The following C3orf70 variants were observed in gnomAD, a reference collection of about 807,000 sequenced individuals.
C3orf70 encodes the protein chromosome 3 open reading frame 70.
C3orf70 carries 15 observed loss-of-function variants against 20.7 expected under a neutral mutation model. The ratio of observed to expected loss-of-function variants is 0.72; its 90% CI spans 0.48 to 1.11. The LOEUF (loss-of-function observed/expected upper bound fraction) is 1.11, where lower values mean the gene tolerates loss of function less well. Among genes scored for constraint, C3orf70 ranks in the 50% most tolerant of loss-of-function variants. The probability of loss-of-function intolerance (pLI) is 0.00; values close to 1 mark genes in which losing one functional copy is unlikely to be tolerated. For synonymous variants in C3orf70, 161 were observed against 125.7 expected, an observed-to-expected ratio of 1.28 and a Z score of -1.88; for missense variants, 332 against 317.6, an observed-to-expected ratio of 1.05 and a Z score of -0.34.
chr3:185,149,119 A>G (rs1000614038), intron 1 of C3orf70, among the ~76,000 whole-genome samples: 1 of 152,216 alleles, frequency 6.6e-6, no homozygotes, highest in Non-Finnish European at 1.5e-5. Flanking sequence ...TGGGCTGGGC[A>G]TGGTGGCTCA....
chr3:185,106,841 A>C (rs1715953781), intron 1 of C3orf70, among the ~76,000 whole-genome samples: 1 of 152,246 alleles, frequency 6.6e-6, no homozygotes, highest in Non-Finnish European at 1.5e-5. Context: ...GTTTAAATTT[A>C]AAAGGAGTGC....
chr3:185,090,556 T>A (rs898049297), intron 1 of C3orf70, among the ~76,000 whole-genome samples: 1 of 152,122 alleles, frequency 6.6e-6, no homozygotes, highest in African/African-American at 2.4e-5. Context: ...TGAAAAAAAA[T>A]GAGTGGCCTG....
At chr3:185,091,953 AT>A (rs1715595657) in intron 1 of C3orf70, among the ~76,000 whole-genome samples, 1 of 11,224 alleles carries the variant, frequency 8.9e-5, no homozygotes, top group South Asian at 3.4e-3. Flanking sequence ...ATATATATAT[AT>A]ATATATATAT....
intron 1 of C3orf70, among the ~76,000 whole-genome samples, chr3:185,111,669 G>A (rs575927685): frequency 3.9e-5 from 6 of 152,248 alleles, no homozygotes; most frequent in African/African-American, 1.4e-4. Flanking sequence ...AAACAATTTG[G>A]AAGAGTTGAT....
At chr3:185,138,451 A>T (rs1451753141) in intron 1 of C3orf70, among the ~76,000 whole-genome samples, 2 of 151,928 alleles carry the variant, frequency 1.3e-5, no homozygotes, top group African/African-American at 4.8e-5. Flanking sequence ...GTAATAATAA[A>T]AAAAAAAACT....
intron 1 of C3orf70, among the ~76,000 whole-genome samples, chr3:185,091,866 A>T (rs1338570903): frequency 1.7e-5 from 2 of 117,582 alleles, no homozygotes; most frequent in East Asian, 2.2e-4. Flanking sequence ...GTATTATATT[A>T]TATATATATA....
At chr3:185,137,720 TA>T (rs1716656519) in intron 1 of C3orf70, among the ~76,000 whole-genome samples, 2 of 152,096 alleles carry the variant, frequency 1.3e-5, no homozygotes, top group South Asian at 4.1e-4. Flanking sequence ...ATAAAACACA[TA>T]AAAATTTATG....
At chr3:185,119,715 T>C (rs1039938832) in intron 1 of C3orf70, among the ~76,000 whole-genome samples, 1 of 150,632 alleles carries the variant, frequency 6.6e-6, no homozygotes, top group Non-Finnish European at 1.5e-5. Flanking sequence ...TCTTAGGGAA[T>C]TTGGGGTGCT....
intron 1 of C3orf70, among the ~76,000 whole-genome samples, chr3:185,150,007 A>T (rs1267792844): frequency 2.0e-5 from 3 of 152,130 alleles, no homozygotes; most frequent in Non-Finnish European, 2.9e-5. Flanking sequence ...GATTAACCTA[A>T]TTTCTTGTTT....
At position 185,078,366 on chromosome 3, in the gene C3orf70, GA is replaced by G. The variant is rs536417757; in HGVS notation, c.*4640del. The G allele has an allele frequency of 3.8e-3, 573 of 152,370 alleles. 1 individual carries two copies. Among genetic ancestry groups the G allele is most frequent in the Non-Finnish European group, 5.7e-3 (389 of 68,008 alleles). 9.4% of individuals were successfully genotyped at this position (152,370 alleles called of 1,614,324 possible). A position where few individuals can be genotyped will look rare whatever the true frequency, so the allele number is the denominator to read the frequency against. ...AGAGAACACTGCTTCAACCTTAATC[GA>G]AAAAAGAAGTCATAGCACTAACTGA... On this transcript the variant is annotated 3_prime_UTR_variant, in exon 2 of 2. Coordinates refer to ENST00000335012, the MANE Select transcript of C3orf70 (RefSeq NM_001025266.3).
chr3:185,103,993 C>T (rs535073902), intron 1 of C3orf70, among the ~76,000 whole-genome samples: 2 of 152,286 alleles, frequency 1.3e-5, no homozygotes, highest in East Asian at 3.9e-4. Context: ...GAGACATACG[C>T]ACAACTACAC....
At chr3:185,127,719 C>T (rs1245532180) in intron 1 of C3orf70, among the ~76,000 whole-genome samples, 3 of 152,060 alleles carry the variant, frequency 2.0e-5, no homozygotes, top group South Asian at 2.1e-4. Context: ...GGATTACAGG[C>T]GTGAGCCACC....
chr3:185,100,939 A>C (rs1490416024), intron 1 of C3orf70, among the ~76,000 whole-genome samples: 1 of 152,166 alleles, frequency 6.6e-6, no homozygotes, highest in Non-Finnish European at 1.5e-5. Context: ...AAACCTGTAA[A>C]AAATGGATAA....
intron 1 of C3orf70, among the ~76,000 whole-genome samples, chr3:185,119,410 TG>T (rs1716246100): frequency 2.0e-5 from 3 of 152,076 alleles, no homozygotes; most frequent in African/African-American, 7.2e-5. Context: ...CCCGGCATTT[TG>T]GGAGGCTGAT....
intron 1 of C3orf70, among the ~76,000 whole-genome samples, chr3:185,147,083 G>A (rs1455015870): frequency 1.3e-5 from 2 of 152,154 alleles, no homozygotes; most frequent in African/African-American, 2.4e-5. Context: ...ACTCCCATTT[G>A]TCTCTATTTC....
At chr3:185,100,150 A>C (rs1357458255) in intron 1 of C3orf70, among the ~76,000 whole-genome samples, 1 of 152,166 alleles carries the variant, frequency 6.6e-6, no homozygotes, top group African/African-American at 2.4e-5. Flanking sequence ...CGAGGCAAAA[A>C]ATTAAAAAAG....
Position 185,077,379 on chromosome 3 carries a change from G to T in C3orf70, c.*5628C>A, listed in dbSNP as rs992269659. Among the ~76,000 whole-genome samples, 6 of 152,202 alleles carry T rather than the reference G, an allele frequency of 3.9e-5. No homozygotes were observed. Among genetic ancestry groups the T allele is most frequent in the African/African-American group, 1.4e-4 (6 of 41,448 alleles). On this transcript the variant is annotated 3_prime_UTR_variant, in exon 2 of 2. Coordinates refer to ENST00000335012, the MANE Select transcript of C3orf70 (RefSeq NM_001025266.3). ...TACGAGCTGTGCCACACTGGGTAAAGATGTGGACTTCTTGAGCTCTTTTCC... is the reference window on the plus strand; with the variant it reads ...TACGAGCTGTGCCACACTGGGTAAATATGTGGACTTCTTGAGCTCTTTTCC...
Position 185,083,271 on chromosome 3 carries a change from A to G in C3orf70, c.489T>C (p.Ser163=), listed in dbSNP as rs769437221. 2 of 1,614,232 alleles carry G rather than the reference A, an allele frequency of 1.2e-6. No homozygotes were observed. The highest frequency in any genetic ancestry group is 1.7e-6 in the Non-Finnish European group (2 of 1,180,040). The stretch of plus-strand genomic sequence containing the variant: ...CTTTTGAAATTAAGGCATCGTGTGC[A>G]GAGACCTCCTCAGGGCTCATTCTGT... The part of the protein sequence containing the change: ...HSHRMSPEEV[S]AHDALISKES... Residue 163 remains serine (S), a synonymous_variant, in exon 2 of 2, where the codon TCT becomes TCC. Transcript: ENST00000335012.
intron 1 of C3orf70, among the ~76,000 whole-genome samples, chr3:185,147,627 T>C (rs549609859): frequency 6.6e-6 from 1 of 152,356 alleles, no homozygotes; most frequent in Non-Finnish European, 1.5e-5. Flanking sequence ...CTAAGCCTTC[T>C]TCCTCAACTG....
Sources: gnomAD v4.1 joint callset for allele counts (sites outside exome capture counted in the v4.1 genomes callset) on GRCh38, gnomAD v4.1.1 for gene constraint, MANE v1.5 for transcripts, NCBI Gene and HGNC (gene_info 2026-07-23, HGNC 2026-07-21) for gene names.